NRXN3: variants seen among roughly 807,000 people sequenced by gnomAD.
NRXN3 encodes the protein neurexin III.
In NRXN3, 32 loss-of-function variants were observed where a neutral mutation model predicts 137.6. That is an observed-to-expected ratio of 0.23 (90% confidence interval 0.18 to 0.31). The LOEUF is 0.31. Ranked by LOEUF, NRXN3 falls within the 10% of genes least tolerant of loss-of-function variation. NRXN3 has a pLI of 1.00. For synonymous variants in NRXN3, 798 were observed against 784.5 expected, an observed-to-expected ratio of 1.02 and a Z score of -0.29; for missense variants, 1,574 against 2,062.5, an observed-to-expected ratio of 0.76 and a Z score of 4.59.
chr14:79,538,472 T>G (rs2097236912), intron 16 of NRXN3, among the ~76,000 whole-genome samples: 1 of 152,202 alleles, frequency 6.6e-6, no homozygotes, highest in African/African-American at 2.4e-5. Context: ...TTGAATTAAT[T>G]TTTGTATAAG....
chr14:79,295,125 T>G (rs2083845199), intron 15 of NRXN3, among the ~76,000 whole-genome samples: 1 of 152,126 alleles, frequency 6.6e-6, no homozygotes, highest in Non-Finnish European at 1.5e-5. Context: ...TATCCCCAAC[T>G]TCACCTCCTA....
At chr14:79,650,255 CTT>C (rs569093433) in intron 16 of NRXN3, among the ~76,000 whole-genome samples, 134 of 152,192 alleles carry the variant, frequency 8.8e-4, no homozygotes, top group Middle Eastern at 3.4e-3. Flanking sequence ...AATGAATCCT[CTT>C]TCTCTGGTTA....
At chr14:78,305,932 A>G (rs1462301774) in intron 4 of NRXN3, among the ~76,000 whole-genome samples, 1 of 152,186 alleles carries the variant, frequency 6.6e-6, no homozygotes, top group East Asian at 1.9e-4. Flanking sequence ...AAACATAAAA[A>G]GTAAATTGCT....
Position 79,487,149 on chromosome 14 carries a change from A to C in NRXN3, c.3444+19747A>C, listed in dbSNP as rs570044524. ...TCCTCATCCGTTGAAATTGGGGATA[A>C]AAAAGTTCCATAGGGGTTGATGTGA... On this transcript the variant is annotated intron_variant, in intron 16 of 20. Transcript: ENST00000335750. Among the ~76,000 whole-genome samples the C allele has an allele frequency of 2.0e-5, 3 of 152,236 alleles. No homozygotes were observed. The East Asian group carries it at 5.8e-4, about 29-fold the overall frequency.
intron 16 of NRXN3, among the ~76,000 whole-genome samples, chr14:79,515,776 G>A (rs2096977898): frequency 6.6e-6 from 1 of 152,160 alleles, no homozygotes; most frequent in Non-Finnish European, 1.5e-5. Context: ...ATGACACCTT[G>A]ACAGATAAGT....
At chr14:78,498,799 C>CTT (rs5809894) in intron 4 of NRXN3, among the ~76,000 whole-genome samples, 20 of 150,568 alleles carry the variant, frequency 1.3e-4, no homozygotes, top group East Asian at 3.9e-4. Flanking sequence ...TTTTCTTTTT[C>CTT]TTTTTTTTTG....
chr14:79,164,450 T>C (rs576802029), intron 15 of NRXN3, among the ~76,000 whole-genome samples: 2 of 152,144 alleles, frequency 1.3e-5, no homozygotes, highest in African/African-American at 4.8e-5. Context: ...TGTCTAATAA[T>C]CATTTTATTT....
intron 4 of NRXN3, among the ~76,000 whole-genome samples, chr14:78,568,961 GTTTT>G (rs34485878): frequency 1.9e-5 from 2 of 103,736 alleles, no homozygotes; most frequent in Admixed American, 2.2e-4. Context: ...GACTTTGCAG[GTTTT>G]TTTTTTTTTT....
intron 5 of NRXN3, among the ~76,000 whole-genome samples, chr14:78,649,924 G>C (rs967121888): frequency 6.6e-6 from 1 of 151,988 alleles, no homozygotes; most frequent in Non-Finnish European, 1.5e-5. Context: ...TTCCTGTCTC[G>C]TGAATTTTCC....
rs1251662018 is a variant in NRXN3 at position 78,381,608 on chromosome 14, G to A, written c.757+83748G>A. 8.5e-5 allele frequency among the ~76,000 whole-genome samples: 13 copies of A among 152,210 alleles called. No homozygotes were observed. In the East Asian group the frequency reaches 1.5e-3, roughly 18 times the overall value. On this transcript the variant is annotated intron_variant, in intron 4 of 20. Transcript: ENST00000335750. Reference sequence around the variant, plus strand: ...AGGGAAATGACAGTATTACAAAATCGTGTACACAAAATCCTATACAAGAAT... The same window carrying A: ...AGGGAAATGACAGTATTACAAAATCATGTACACAAAATCCTATACAAGAAT...
intron 4 of NRXN3, among the ~76,000 whole-genome samples, chr14:78,624,318 C>T (rs772679151): frequency 6.6e-6 from 1 of 152,192 alleles, no homozygotes. Flanking sequence ...TGAGCAACAG[C>T]CCCTCCTTTA....
intron 15 of NRXN3, among the ~76,000 whole-genome samples, chr14:79,231,984 C>T (rs2072294747): frequency 6.6e-6 from 1 of 151,990 alleles, no homozygotes; most frequent in African/African-American, 2.4e-5. Flanking sequence ...AAATTTTTAA[C>T]TTGCTACTAC....
chr14:79,382,026 T>C (rs1013436936), intron 15 of NRXN3, among the ~76,000 whole-genome samples: 1 of 152,212 alleles, frequency 6.6e-6, no homozygotes, highest in Non-Finnish European at 1.5e-5. Flanking sequence ...GATTAGTGGA[T>C]TATAATTTTG....
chr14:79,076,160 C>A (rs1045018825), intron 15 of NRXN3, among the ~76,000 whole-genome samples: 2 of 152,184 alleles, frequency 1.3e-5, no homozygotes, highest in Non-Finnish European at 2.9e-5. Flanking sequence ...TAATCTGTCA[C>A]CTCAACTATT....
At chr14:78,450,574 C>G (rs2094528244) in intron 4 of NRXN3, among the ~76,000 whole-genome samples, 1 of 152,168 alleles carries the variant, frequency 6.6e-6, no homozygotes, top group Non-Finnish European at 1.5e-5. Flanking sequence ...ATCCACAAAG[C>G]CATAAGCACA....
Position 79,666,070 on chromosome 14 carries a change from C to T in NRXN3, c.3616+2121C>T, listed in dbSNP as rs1340008626. ...TCCTAAGCATTGAAATATTTGGTGC[C>T]TCTCCCCACATGTAATTCAAAATAC... On this transcript the variant is annotated intron_variant, in intron 17 of 20. Transcript: ENST00000335750. Among the ~76,000 whole-genome samples the T allele has an allele frequency of 1.3e-5, 2 of 152,016 alleles. 1 individual carries two copies. Among genetic ancestry groups the T allele is most frequent in the Admixed American group, 1.3e-4 (2 of 15,252 alleles).
At chr14:78,607,076 G>A (rs1471831434) in intron 4 of NRXN3, among the ~76,000 whole-genome samples, 4 of 152,120 alleles carry the variant, frequency 2.6e-5, no homozygotes, top group African/African-American at 7.2e-5. Context: ...GGAGCTGAGG[G>A]CATTGTAAGT....
intron 15 of NRXN3, among the ~76,000 whole-genome samples, chr14:79,021,746 G>A (rs916701298): frequency 7.9e-5 from 12 of 152,262 alleles, no homozygotes; most frequent in Admixed American, 2.0e-4. Flanking sequence ...CCTAAACACC[G>A]GAAGCATCAC....
chr14:79,401,160 T>G (rs974428051), intron 15 of NRXN3, among the ~76,000 whole-genome samples: 1 of 152,202 alleles, frequency 6.6e-6, no homozygotes, highest in Non-Finnish European at 1.5e-5. Flanking sequence ...TGGACCTGTT[T>G]TGTTTAGTAA....
Sources: allele counts gnomAD v4.1 joint callset (sites outside exome capture counted in the v4.1 genomes callset), GRCh38; gene constraint gnomAD v4.1.1; transcripts MANE v1.5; gene names NCBI Gene and HGNC (gene_info 2026-07-23, HGNC 2026-07-21).